PADI6: variants seen among roughly 807,000 people sequenced by gnomAD.
The protein encoded by PADI6 is peptidyl arginine deiminase 6.
In PADI6, 66 loss-of-function variants were observed where a neutral mutation model predicts 78.2. That is an observed-to-expected ratio of 0.84 (90% CI 0.69 to 1.04). The LOEUF is 1.04. Among genes scored for constraint, PADI6 ranks in the 50% least tolerant of loss-of-function variants. PADI6 has a pLI of 0.00. For missense variants in PADI6, 854 were observed against 866.1 expected, an observed-to-expected ratio of 0.99 and a Z score of 0.18; for synonymous variants, 397 against 346.9, an observed-to-expected ratio of 1.14 and a Z score of -1.60.
At chr1:17,396,845 C>T (rs987132398) in intron 13 of PADI6, among the ~76,000 whole-genome samples, 2 of 152,194 alleles carry the variant, frequency 1.3e-5, no homozygotes, top group African/African-American at 4.8e-5. Flanking sequence ...ACAGAGTGGC[C>T]AGTGGCAGTA....
Position 17,373,044 on chromosome 1 carries a change from C to T in PADI6, c.117-12C>T, listed in dbSNP as rs1204868. 0.037 allele frequency: 59,560 copies of T among 1,610,972 alleles called. 1,291 individuals carry two copies. Among genetic ancestry groups the T allele is most frequent in the African/African-American group, 0.06 (4,533 of 74,942 alleles). On this transcript the variant is annotated splice_polypyrimidine_tract_variant and intron_variant, in intron 1 of 15. Transcript: ENST00000619609. ...TTGTGCCCTGACGCGTGTCTCTTAC[C>T]GGGCAAACCAGGTGTGCCCCCCAGA...
chr1:17,373,295 G>A (rs1488984146), intron 2 of PADI6, 62 bp downstream of exon 2: 1 of 1,571,788 alleles, frequency 6.4e-7, no homozygotes, highest in East Asian at 2.3e-5. Flanking sequence ...CAGCCACTGG[G>A]GCTTCCTCCT....
intron 14 of PADI6, 76 bp downstream of exon 14, chr1:17,397,217 C>G: frequency 6.5e-7 from 1 of 1,527,556 alleles, no homozygotes; most frequent in South Asian, 1.1e-5. Context: ...TTCCACCCAC[C>G]CCTCCTGAGG....
chr1:17,391,537 A>G (rs1291163908), intron 8 of PADI6, among the ~76,000 whole-genome samples: 1 of 152,212 alleles, frequency 6.6e-6, no homozygotes, highest in Non-Finnish European at 1.5e-5. Flanking sequence ...TGGTCTTAAC[A>G]TCAGCCTCAC....
In PADI6 at chr1:17,399,134, A is replaced by T. The variant is rs558105342; in HGVS notation, c.1851+287A>T. On this transcript the variant is annotated intron_variant, in intron 15 of 15. Transcript: ENST00000619609. ...GCTGCGCCCCCAGTCTAAAAGGGTGAACCTGTGAGGCCCACTTCGGATGGG... is the reference window on the plus strand; with the variant it reads ...GCTGCGCCCCCAGTCTAAAAGGGTGTACCTGTGAGGCCCACTTCGGATGGG... Among the ~76,000 whole-genome samples the T allele has an allele frequency of 2.5e-3, 377 of 152,252 alleles. 4 individuals carry two copies. The Middle Eastern group carries it at 0.027, about 11-fold the overall frequency.
At chr1:17,374,819 G>T (rs1373221921) in intron 2 of PADI6, among the ~76,000 whole-genome samples, 1 of 152,138 alleles carries the variant, frequency 6.6e-6, no homozygotes, top group Non-Finnish European at 1.5e-5. Flanking sequence ...CTGGCCAATG[G>T]TTGGGTCTCT....
chr1:17,380,559 C>T (rs566312208), intron 4 of PADI6, among the ~76,000 whole-genome samples: 348 of 152,206 alleles, frequency 2.3e-3, no homozygotes, highest in Non-Finnish European at 4.2e-3. Context: ...TTAGTAGAGA[C>T]GAGGTTTCAC....
chr1:17,383,712 G>A (rs887484342), intron 6 of PADI6, among the ~76,000 whole-genome samples: 2 of 150,890 alleles, frequency 1.3e-5, no homozygotes, highest in Admixed American at 6.6e-5. Flanking sequence ...GCATGGTGGC[G>A]GGCATGCCCG....
In PADI6 at chr1:17,401,591, T is replaced by C. The variant is rs1381808018; in HGVS notation, c.*153T>C. The C allele has an allele frequency of 1.4e-6, 1 of 699,662 alleles. No homozygotes were observed. The highest frequency in any genetic ancestry group is 1.8e-5 in the African/African-American group (1 of 55,638). 43.3% of individuals were successfully genotyped at this position (699,662 alleles called of 1,614,324 possible). ...TGCCCCGACCGACCCTCGGACCCAG[T>C]AGGATGGCAAATGCCGCCAGCTTGA... is the stretch of plus-strand genomic sequence containing the variant. On this transcript the variant is annotated 3_prime_UTR_variant, in exon 16 of 16. Transcript: ENST00000619609.
chr1:17,394,484 G>A, intron 11 of PADI6, 30 bp downstream of exon 11: 1 of 1,604,866 alleles, frequency 6.2e-7, no homozygotes, highest in Non-Finnish European at 8.5e-7. Context: ...GCCTCCAAAT[G>A]AAAGGAAGGG....
intron 11 of PADI6, 97 bp from the exon 12 acceptor site, chr1:17,394,854 A>G: frequency 7.1e-7 from 1 of 1,406,992 alleles, no homozygotes; most frequent in East Asian, 2.5e-5. Context: ...CACAACGGTC[A>G]GAGGCCAGCT....
chr1:17,386,775 GCA>G (rs1450023959), intron 6 of PADI6, among the ~76,000 whole-genome samples: 5 of 152,208 alleles, frequency 3.3e-5, no homozygotes, highest in Non-Finnish European at 7.3e-5. Context: ...CTGCAGAACT[GCA>G]GAGTCCATCG....
At chr1:17,399,729 TAAA>T (rs71575834) in intron 15 of PADI6, among the ~76,000 whole-genome samples, 1 of 147,574 alleles carries the variant, frequency 6.8e-6, no homozygotes, top group African/African-American at 2.5e-5. Context: ...CCTGCAACTT[TAAA>T]AAAAAGAAAA....
chr1:17,392,094 T>C lies in PADI6; in HGVS notation c.963-20T>C. ...GGACCTTCGAAAGCCTTCCCAGAACTGGCTTCTCTCCCATGGCAGGGAGCT... is the reference window on the plus strand; with the variant it reads ...GGACCTTCGAAAGCCTTCCCAGAACCGGCTTCTCTCCCATGGCAGGGAGCT... On this transcript the variant is annotated intron_variant, in intron 8 of 15. Transcript: ENST00000619609. 7 of 1,550,656 alleles carry C rather than the reference T, an allele frequency of 4.5e-6. No homozygotes were observed. The highest frequency in any genetic ancestry group is 2.7e-5 in the African/African-American group (2 of 73,194).
intron 8 of PADI6, among the ~76,000 whole-genome samples, chr1:17,390,600 C>G (rs2075172265): frequency 1.3e-5 from 1 of 77,268 alleles, no homozygotes; most frequent in Non-Finnish European, 3.1e-5. Context: ...AAGATTCCAT[C>G]TCAAAAAAAA....
chr1:17,398,907 C>A, intron 15 of PADI6, 60 bp downstream of exon 15: 1 of 1,550,170 alleles, frequency 6.5e-7, no homozygotes, highest in Admixed American at 1.7e-5. Flanking sequence ...CACTGGCTGC[C>A]ACCTCACTGT....
intron 3 of PADI6, among the ~76,000 whole-genome samples, chr1:17,378,802 G>T (rs537567160): frequency 1.3e-5 from 2 of 152,052 alleles, no homozygotes; most frequent in African/African-American, 4.8e-5. Context: ...ACAAGGTTTT[G>T]CCATGTTGCT....
chr1:17,376,456 T>C (rs913357823), intron 3 of PADI6, among the ~76,000 whole-genome samples: 3 of 152,118 alleles, frequency 2.0e-5, no homozygotes, highest in African/African-American at 7.2e-5. Context: ...CCCGCCACCA[T>C]GCCCGGCTAA....
At chr1:17,377,703 C>T (rs566125515) in intron 3 of PADI6, among the ~76,000 whole-genome samples, 1 of 152,250 alleles carries the variant, frequency 6.6e-6, no homozygotes, top group African/African-American at 2.4e-5. Flanking sequence ...TGACGTTTCG[C>T]CAGAATCCAG....
Sources: allele counts gnomAD v4.1 joint callset (sites outside exome capture counted in the v4.1 genomes callset), GRCh38; gene constraint gnomAD v4.1.1; transcripts MANE v1.5; gene names NCBI Gene and HGNC (gene_info 2026-07-23, HGNC 2026-07-21).